The following GRIN2B variants were observed in gnomAD, a reference collection of about 807,000 sequenced individuals.
The protein encoded by GRIN2B is glutamate ionotropic receptor NMDA type subunit 2B, also known as glutamate receptor ionotropic, NMDA 2B.
Under a neutral mutation model 114.5 loss-of-function variants are expected in GRIN2B, and 5 were observed. That is an observed-to-expected ratio of 0.04 (90% CI 0.02 to 0.09). GRIN2B has a LOEUF of 0.09. GRIN2B is among the 10% of genes least tolerant of loss of function. The pLI, the probability that GRIN2B is intolerant of heterozygous loss-of-function variation, is 1.00. For synonymous variants in GRIN2B, 787 were observed against 745.1 expected (o/e 1.06, Z -0.92); for missense variants, 1,108 against 1,943.5 (o/e 0.57, Z 8.08).
chr12:13,794,092 GC>G (rs1277108107), intron 3 of GRIN2B, among the ~76,000 whole-genome samples: 10 of 147,684 alleles, frequency 6.8e-5, no homozygotes, highest in African/African-American at 2.0e-4. Flanking sequence ...CGTAACATGT[GC>G]CTGTGGGAGG....
intron 2 of GRIN2B, among the ~76,000 whole-genome samples, chr12:13,905,955 T>G (rs1228957364): frequency 6.6e-6 from 1 of 152,110 alleles, no homozygotes; most frequent in East Asian, 1.9e-4. Context: ...ATGGGAGGGT[T>G]TCCCTAGGCT....
At chr12:13,979,041 C>T (rs146350104) in intron 2 of GRIN2B, among the ~76,000 whole-genome samples, 28 of 152,240 alleles carry the variant, frequency 1.8e-4, no homozygotes, top group African/African-American at 6.0e-4. Flanking sequence ...ACTCACGTGT[C>T]GAATTCTGCA....
chr12:13,940,202 C>A (rs1867214975), intron 2 of GRIN2B, among the ~76,000 whole-genome samples: 1 of 152,078 alleles, frequency 6.6e-6, no homozygotes, highest in South Asian at 2.1e-4. Context: ...TCCCATTCAC[C>A]CCTCAGTGCC....
intron 4 of GRIN2B, among the ~76,000 whole-genome samples, chr12:13,713,859 G>T (rs1379154759): frequency 2.6e-5 from 4 of 151,862 alleles, no homozygotes; most frequent in Non-Finnish European, 5.9e-5. Context: ...CCTGGCTGGA[G>T]AACAATGCAG....
At chr12:13,844,369 C>T (rs1207764777) in intron 3 of GRIN2B, among the ~76,000 whole-genome samples, 2 of 152,166 alleles carry the variant, frequency 1.3e-5, no homozygotes, top group African/African-American at 4.8e-5. Context: ...TGTCTAGGCC[C>T]TTAAGCATGC....
At chr12:13,826,622 G>A (rs1479769399) in intron 3 of GRIN2B, among the ~76,000 whole-genome samples, 1 of 151,756 alleles carries the variant, frequency 6.6e-6, no homozygotes, top group East Asian at 1.9e-4. Context: ...TATTTATAAT[G>A]TGCCTTATTG....
intron 4 of GRIN2B, among the ~76,000 whole-genome samples, chr12:13,728,703 G>A (rs1863034261): frequency 6.6e-6 from 1 of 152,136 alleles, no homozygotes; most frequent in Admixed American, 6.5e-5. Flanking sequence ...TGTACACACA[G>A]CCAATGCTCA....
intron 3 of GRIN2B, among the ~76,000 whole-genome samples, chr12:13,794,064 C>T (rs200614397): frequency 2.9e-5 from 3 of 103,804 alleles, no homozygotes; most frequent in African/African-American, 1.1e-4. Context: ...AAAAAAAATA[C>T]AAAAATTATC....
chr12:13,702,103 A>G (rs1950318409), intron 4 of GRIN2B, among the ~76,000 whole-genome samples: 1 of 152,222 alleles, frequency 6.6e-6, no homozygotes, highest in Non-Finnish European at 1.5e-5. Flanking sequence ...TTTATAATTT[A>G]TGGATCTCTT....
At chr12:13,704,290 A>C (rs1950339290) in intron 4 of GRIN2B, among the ~76,000 whole-genome samples, 1 of 152,144 alleles carries the variant, frequency 6.6e-6, no homozygotes, top group Non-Finnish European at 1.5e-5. Flanking sequence ...GCTTGCGGGA[A>C]AACTCTCAAT....
intron 10 of GRIN2B, among the ~76,000 whole-genome samples, chr12:13,605,551 T>TCTCACACACACA: frequency 3.6e-4 from 11 of 30,490 alleles, no homozygotes; most frequent in South Asian, 1.3e-3. Context: ...TCTCTCTCTC[T>TCTCACACACACA]GACACACACA....
In GRIN2B at chr12:13,786,493, G is replaced by A. The variant is rs73053667; in HGVS notation, c.412-32578C>T. On this transcript the variant is annotated intron_variant, in intron 3 of 13. Transcript: ENST00000609686. Reference sequence around the variant, plus strand: ...CTTATTTGCTTTTCAAGAACTGCACGCCATTTTAATTACATAAAATGTCAA... The same window carrying A: ...CTTATTTGCTTTTCAAGAACTGCACACCATTTTAATTACATAAAATGTCAA... 2.5e-3 allele frequency among the ~76,000 whole-genome samples: 376 copies of A among 152,080 alleles called. 1 individual carries two copies. The highest frequency in any genetic ancestry group is 4.8e-3 in the Non-Finnish European group (326 of 68,002).
intron 3 of GRIN2B, among the ~76,000 whole-genome samples, chr12:13,771,085 A>G (rs1863900682): frequency 6.6e-6 from 1 of 152,102 alleles, no homozygotes; most frequent in Non-Finnish European, 1.5e-5. Context: ...ACCCAGTGGG[A>G]GGTAATTTAA....
intron 3 of GRIN2B, among the ~76,000 whole-genome samples, chr12:13,765,263 G>C (rs1341660616): frequency 6.6e-6 from 1 of 152,202 alleles, no homozygotes; most frequent in Non-Finnish European, 1.5e-5. Context: ...CATTAGTCCA[G>C]CTCATAGTAG....
chr12:13,560,289 C>A lies in GRIN2B; in HGVS notation c.*2494G>T, dbSNP rs1421978473. ...AATTCCCCCAATGGGAAATGAAAAC[C>A]CATAACAAAACACTTTTTCCCTCTC... On this transcript the variant is annotated 3_prime_UTR_variant, in exon 14 of 14. Transcript: ENST00000609686. 1 of 152,166 alleles carries A rather than the reference C, an allele frequency of 6.6e-6. No individual in the cohort carries two copies. Among genetic ancestry groups the A allele is most frequent in the Non-Finnish European group, 1.5e-5 (1 of 68,036 alleles). 9.4% of individuals were successfully genotyped at this position (152,166 alleles called of 1,614,324 possible).
chr12:13,796,510 C>A (rs1016861013), intron 3 of GRIN2B, among the ~76,000 whole-genome samples: 3 of 152,162 alleles, frequency 2.0e-5, no homozygotes, highest in African/African-American at 4.8e-5. Context: ...TTCAGAGAAG[C>A]TTTTAGGGCC....
At chr12:13,800,890 G>T (rs1163400914) in intron 3 of GRIN2B, among the ~76,000 whole-genome samples, 3 of 152,116 alleles carry the variant, frequency 2.0e-5, no homozygotes, top group African/African-American at 4.8e-5. Flanking sequence ...ATAAGAAAAT[G>T]ATATAAATGA....
At chr12:13,766,884 G>C (rs186429466) in intron 3 of GRIN2B, among the ~76,000 whole-genome samples, 1 of 152,200 alleles carries the variant, frequency 6.6e-6, no homozygotes. Context: ...CACTGGTCAG[G>C]AAATCAATCA....
At chr12:13,566,299 T>C (rs1245192601) in intron 13 of GRIN2B, among the ~76,000 whole-genome samples, 2 of 152,250 alleles carry the variant, frequency 1.3e-5, no homozygotes, top group Non-Finnish European at 2.9e-5. Flanking sequence ...AAAAGGACAT[T>C]TGAGTTCACC....
Sources: gnomAD v4.1 joint callset for allele counts (sites outside exome capture counted in the v4.1 genomes callset) on GRCh38, gnomAD v4.1.1 for gene constraint, MANE v1.5 for transcripts, NCBI Gene and HGNC (gene_info 2026-07-23, HGNC 2026-07-21) for gene names.